RSPO2: variants seen among roughly 807,000 people sequenced by gnomAD.
RSPO2 encodes R-spondin 2.
RSPO2 carries 14 observed loss-of-function variants against 30.9 expected under a neutral mutation model. That is an observed-to-expected ratio of 0.45 (90% confidence interval 0.30 to 0.71). RSPO2 has a LOEUF of 0.71. RSPO2 is among the 30% of genes least tolerant of loss of function. The pLI, the probability that RSPO2 is intolerant of heterozygous loss-of-function variation, is 0.08. For synonymous variants in RSPO2, 107 were observed against 96.4 expected (o/e 1.11, Z -0.64); for missense variants, 264 against 301.9 (o/e 0.87, Z 0.93).
At chr8:107,973,317 T>C (rs1485830202) in intron 3 of RSPO2, among the ~76,000 whole-genome samples, 1 of 152,088 alleles carries the variant, frequency 6.6e-6, no homozygotes. Flanking sequence ...CAGATTTTTC[T>C]AATATTTGCA....
At chr8:108,034,089 C>G (rs910677017) in intron 2 of RSPO2, among the ~76,000 whole-genome samples, 1 of 152,090 alleles carries the variant, frequency 6.6e-6, no homozygotes, top group Non-Finnish European at 1.5e-5. Context: ...TGCATCGGAT[C>G]GCTCATTCTC....
chr8:107,964,678 G>T (rs1813739579), intron 3 of RSPO2, among the ~76,000 whole-genome samples: 1 of 152,090 alleles, frequency 6.6e-6, no homozygotes, highest in African/African-American at 2.4e-5. Flanking sequence ...CATTTCTCCA[G>T]GAGGTAACTC....
rs879336263 is a variant in RSPO2, at chr8:108,066,763, GA to G, written c.94+15781del. On this transcript the variant is annotated intron_variant, in intron 2 of 5. Coordinates refer to ENST00000276659, the MANE Select transcript of RSPO2 (RefSeq NM_178565.5). ...CAGCTAATAAATGTGGTAAGAATTA[GA>G]AAAAAAAATCACTATTTTGCAACCC... is the stretch of plus-strand genomic sequence containing the variant. Among the ~76,000 whole-genome samples, 65 of 151,178 alleles carry G rather than the reference GA, an allele frequency of 4.3e-4. 1 individual carries two copies. Among genetic ancestry groups the G allele is most frequent in the Admixed American group, 1.8e-3 (28 of 15,170 alleles).
At position 108,008,499 on chromosome 8, in the gene RSPO2, G is replaced by T. The variant is rs553379421; in HGVS notation, c.95-19255C>A. ...ACAGACAACTTCTTACTAACATCCAGCTCACTCAACTCATGGAGAGGTTGC... is the reference window on the plus strand; with the variant it reads ...ACAGACAACTTCTTACTAACATCCATCTCACTCAACTCATGGAGAGGTTGC... On this transcript the variant is annotated intron_variant, in intron 2 of 5. Coordinates refer to ENST00000276659, the MANE Select transcript of RSPO2 (RefSeq NM_178565.5). Among the ~76,000 whole-genome samples the T allele has an allele frequency of 3.3e-5, 5 of 152,142 alleles. No individual in the cohort carries two copies. In the East Asian group the frequency reaches 9.7e-4, roughly 29 times the overall value.
chr8:107,994,945 T>C (rs1231830986), intron 2 of RSPO2, among the ~76,000 whole-genome samples: 1 of 152,122 alleles, frequency 6.6e-6, no homozygotes, highest in Non-Finnish European at 1.5e-5. Flanking sequence ...GCAGCAAATC[T>C]ACACAGATTT....
intron 2 of RSPO2, among the ~76,000 whole-genome samples, chr8:107,993,066 CAT>C (rs1814901348): frequency 6.6e-6 from 1 of 151,142 alleles, no homozygotes; most frequent in Non-Finnish European, 1.5e-5. Flanking sequence ...ATGTAAAAAA[CAT>C]ATAATGATTT....
intron 3 of RSPO2, among the ~76,000 whole-genome samples, chr8:107,962,230 C>A (rs576405576): frequency 4.6e-5 from 7 of 151,800 alleles, no homozygotes; most frequent in Admixed American, 4.6e-4. Flanking sequence ...AAAAATGTAG[C>A]CAAAATGTTA....
At chr8:107,995,323 C>T (rs192078429) in intron 2 of RSPO2, among the ~76,000 whole-genome samples, 1 of 152,240 alleles carries the variant, frequency 6.6e-6, no homozygotes, top group Non-Finnish European at 1.5e-5. Flanking sequence ...ATCATCACCT[C>T]AGATACAGTT....
intron 3 of RSPO2, among the ~76,000 whole-genome samples, chr8:107,981,765 T>C (rs1351534246): frequency 1.3e-5 from 2 of 151,568 alleles, no homozygotes; most frequent in East Asian, 3.9e-4. Context: ...GAGGCTGAAG[T>C]GGGAGGATTG....
intron 5 of RSPO2, among the ~76,000 whole-genome samples, chr8:107,952,827 C>CT (rs1167450581): frequency 2.6e-5 from 4 of 152,222 alleles, no homozygotes; most frequent in Non-Finnish European, 2.9e-5. Flanking sequence ...CTACTACTAC[C>CT]TTTTTAAAAG....
chr8:107,972,510 G>C (rs1201661843), intron 3 of RSPO2, among the ~76,000 whole-genome samples: 1 of 152,060 alleles, frequency 6.6e-6, no homozygotes, highest in Non-Finnish European at 1.5e-5. Flanking sequence ...AGATTATGCA[G>C]AGCTACATTT....
Position 107,958,240 on chromosome 8 carries a change from T to A in RSPO2, c.456A>T (p.Glu152Asp), listed in dbSNP as rs1178258792. The part of the protein sequence containing the change: ...VEGCEVGHWS[E>D]WGTCSRNNRT... ...GATTATTTCTGCTACAAGTTCCCCA[T>A]TCGCTCCAATGACCAACTTCACATC... The change falls in exon 5 of 6, where the codon GAA becomes GAT. Residue 152 changes from glutamate (E) to aspartate (D), a missense_variant. Physicochemically the swap from Glu to Asp is conservative, Grantham distance 45 (BLOSUM62 2). Transcript: ENST00000276659. The A allele has an allele frequency of 1.2e-6, 2 of 1,613,704 alleles. No individual in the cohort carries two copies. Among genetic ancestry groups the A allele is most frequent in the African/African-American group, 2.7e-5 (2 of 75,004 alleles).
intron 5 of RSPO2, among the ~76,000 whole-genome samples, chr8:107,907,068 C>T (rs151225067): frequency 6.6e-6 from 1 of 151,810 alleles, no homozygotes; most frequent in East Asian, 1.9e-4. Flanking sequence ...TTACATTTTA[C>T]TTATTCACAT....
chr8:108,054,722 G>A (rs368785121), intron 2 of RSPO2, among the ~76,000 whole-genome samples: 1 of 152,306 alleles, frequency 6.6e-6, no homozygotes, highest in Non-Finnish European at 1.5e-5. Flanking sequence ...AATGCAAGGA[G>A]GCACTGGTTC....
At chr8:107,923,399 C>T (rs552222789) in intron 5 of RSPO2, among the ~76,000 whole-genome samples, 144 of 152,086 alleles carry the variant, frequency 9.5e-4, no homozygotes, top group Middle Eastern at 3.4e-3. Flanking sequence ...ATGGCTTTTA[C>T]TAAAAGGTCA....
chr8:107,985,563 T>C (rs1330841921), intron 3 of RSPO2, among the ~76,000 whole-genome samples: 1 of 152,180 alleles, frequency 6.6e-6, no homozygotes, highest in East Asian at 1.9e-4. Flanking sequence ...GAAACAAAAA[T>C]GTCAAGAACA....
intron 5 of RSPO2, among the ~76,000 whole-genome samples, chr8:107,935,359 CTAAA>C (rs1812687482): frequency 6.6e-6 from 1 of 151,960 alleles, no homozygotes; most frequent in Admixed American, 6.6e-5. Context: ...TGGATATAAT[CTAAA>C]TATTTACCTT....
At chr8:107,938,033 G>A (rs1812775511) in intron 5 of RSPO2, among the ~76,000 whole-genome samples, 1 of 152,170 alleles carries the variant, frequency 6.6e-6, no homozygotes. Flanking sequence ...TAAAAGTGCT[G>A]TATCAAATAA....
At chr8:108,013,988 T>G (rs1262588638) in intron 2 of RSPO2, among the ~76,000 whole-genome samples, 1 of 151,838 alleles carries the variant, frequency 6.6e-6, no homozygotes, top group Non-Finnish European at 1.5e-5. Context: ...TACAAAGAAC[T>G]TAAATTTACA....
Sources: allele counts gnomAD v4.1 joint callset (sites outside exome capture counted in the v4.1 genomes callset), GRCh38; gene constraint gnomAD v4.1.1; transcripts MANE v1.5; gene names NCBI Gene and HGNC (gene_info 2026-07-23, HGNC 2026-07-21).